The following ESRRG variants were observed in gnomAD, a reference collection of about 807,000 sequenced individuals.
ESRRG encodes the protein estrogen-related receptor gamma.
A neutral mutation model predicts 44.0 loss-of-function variants in ESRRG; 13 were observed. That is an observed-to-expected ratio of 0.30 (90% confidence interval 0.19 to 0.47). The LOEUF (loss-of-function observed/expected upper bound fraction) is 0.47, where lower values mean the gene tolerates loss of function less well. Among genes scored for constraint, ESRRG ranks in the 20% least tolerant of loss-of-function variants. ESRRG has a pLI of 1.00. For missense variants in ESRRG, 395 were observed against 580.6 expected (o/e 0.68, Z 3.29); for synonymous variants, 215 against 214.6 (o/e 1.00, Z -0.02).
chr1:216,918,506 T>C (rs1350142845), intron 2 of ESRRG, among the ~76,000 whole-genome samples: 1 of 152,176 alleles, frequency 6.6e-6, no homozygotes, highest in African/African-American at 2.4e-5. Flanking sequence ...CTTCTCTACA[T>C]AGATATATAC....
intron 2 of ESRRG, among the ~76,000 whole-genome samples, chr1:216,665,961 G>C (rs1175280630): frequency 6.6e-6 from 1 of 152,072 alleles, no homozygotes; most frequent in East Asian, 1.9e-4. Flanking sequence ...AATTGTCTAA[G>C]TTCATCTAGT....
intron 2 of ESRRG, among the ~76,000 whole-genome samples, chr1:216,810,097 A>G (rs2094921337): frequency 6.6e-6 from 1 of 152,244 alleles, no homozygotes; most frequent in East Asian, 1.9e-4. Flanking sequence ...AGGAGCTCTT[A>G]GAATCTTTTA....
chr1:216,913,771 T>C (rs2060793664), intron 2 of ESRRG, among the ~76,000 whole-genome samples: 1 of 152,228 alleles, frequency 6.6e-6, no homozygotes, highest in African/African-American at 2.4e-5. Context: ...TATAAAACTC[T>C]ATATGCTGTA....
At chr1:216,989,426 T>TA (rs2075343435) in intron 1 of ESRRG, among the ~76,000 whole-genome samples, 3 of 71,274 alleles carry the variant, frequency 4.2e-5, no homozygotes, top group African/African-American at 6.4e-5. Context: ...AGACTCTGTC[T>TA]CAAAAAAAAA....
rs12025686 is a variant in ESRRG at position 216,815,644 on chromosome 1, T to C, written c.-14+123938A>G. Among the ~76,000 whole-genome samples, 1,209 of 152,224 alleles carry C rather than the reference T, an allele frequency of 7.9e-3. 23 individuals are homozygous for C. Among genetic ancestry groups the C allele is most frequent in the East Asian group, 0.068 (351 of 5,150 alleles). ...ACATACTGCAGTTGCGACACAACAG[T>C]GCTTTATCTGCCAACTGAACCCGAG... is the stretch of plus-strand genomic sequence containing the variant. On this transcript the variant is annotated intron_variant, in intron 2 of 7. Coordinates refer to the ESRRG transcript ENST00000359162.
chr1:216,888,043 T>C (rs903331178), intron 2 of ESRRG, among the ~76,000 whole-genome samples: 3 of 152,152 alleles, frequency 2.0e-5, no homozygotes, highest in Non-Finnish European at 4.4e-5. Flanking sequence ...TAATTTTGTC[T>C]TCTAAAAAAA....
intron 1 of ESRRG, among the ~76,000 whole-genome samples, chr1:216,988,037 T>C (rs966711198): frequency 3.3e-5 from 5 of 152,144 alleles, no homozygotes; most frequent in African/African-American, 9.7e-5. Context: ...TTTCCTTATT[T>C]TTCTACTCTG....
intron 1 of ESRRG, among the ~76,000 whole-genome samples, chr1:217,137,318 A>T (rs2093062973): frequency 1.3e-5 from 2 of 152,230 alleles, no homozygotes; most frequent in Non-Finnish European, 2.9e-5. Context: ...CCTCCTCTTA[A>T]ACGCAAAAGT....
At chr1:216,641,218 A>C (rs2066354672) in intron 3 of ESRRG, among the ~76,000 whole-genome samples, 1 of 152,176 alleles carries the variant, frequency 6.6e-6, no homozygotes, top group Non-Finnish European at 1.5e-5. Flanking sequence ...AGATTTATTC[A>C]GCTGAAATAA....
At chr1:216,932,534 T>A (rs554515906) in intron 2 of ESRRG, among the ~76,000 whole-genome samples, 1 of 150,852 alleles carries the variant, frequency 6.6e-6, no homozygotes, top group Non-Finnish European at 1.5e-5. Flanking sequence ...TTGGTAGGGG[T>A]GTGTGTGTGT....
chr1:216,984,433 C>A (rs1468475095), intron 1 of ESRRG, among the ~76,000 whole-genome samples: 1 of 152,192 alleles, frequency 6.6e-6, no homozygotes, highest in Non-Finnish European at 1.5e-5. Context: ...GCAAGTATTT[C>A]TCTAACATCT....
chr1:216,670,660 C>T (rs2074990030), intron 2 of ESRRG, among the ~76,000 whole-genome samples: 1 of 152,170 alleles, frequency 6.6e-6, no homozygotes, highest in South Asian at 2.1e-4. Flanking sequence ...TGGGTCTGTT[C>T]TCTGGAAGCT....
intron 1 of ESRRG, among the ~76,000 whole-genome samples, chr1:217,041,122 T>C (rs1052256204): frequency 6.6e-6 from 1 of 152,138 alleles, no homozygotes; most frequent in African/African-American, 2.4e-5. Flanking sequence ...TAGAGAATTT[T>C]AAACTAAGCA....
At chr1:216,654,853 T>C (rs192350156) in intron 2 of ESRRG, among the ~76,000 whole-genome samples, 1 of 152,130 alleles carries the variant, frequency 6.6e-6, no homozygotes, top group Admixed American at 6.5e-5. Flanking sequence ...GAAAACAAAA[T>C]AATACAGATA....
chr1:216,982,174 G>T (rs2150398383), intron 1 of ESRRG, among the ~76,000 whole-genome samples: 1 of 152,282 alleles, frequency 6.6e-6, no homozygotes, highest in East Asian at 1.9e-4. Context: ...TAACAGCTTA[G>T]CTGCACTCAG....
intron 3 of ESRRG, among the ~76,000 whole-genome samples, chr1:216,613,927 C>T (rs1220447282): frequency 6.6e-6 from 1 of 152,126 alleles, no homozygotes; most frequent in Non-Finnish European, 1.5e-5. Flanking sequence ...GCCATTTTCC[C>T]CGCTTTGTCC....
intron 1 of ESRRG, among the ~76,000 whole-genome samples, chr1:217,029,327 C>A (rs140199587): frequency 6.6e-6 from 1 of 152,008 alleles, no homozygotes; most frequent in African/African-American, 2.4e-5. Flanking sequence ...TTTTTATACT[C>A]ACTAGCTCAG....
chr1:217,010,178 G>C (rs1416059586), intron 1 of ESRRG, among the ~76,000 whole-genome samples: 2 of 151,920 alleles, frequency 1.3e-5, no homozygotes, highest in Non-Finnish European at 2.9e-5. Context: ...AAATGAGAGG[G>C]GCAGATGTAG....
At chr1:217,104,995 T>C (rs1040624523) in intron 1 of ESRRG, among the ~76,000 whole-genome samples, 5 of 152,140 alleles carry the variant, frequency 3.3e-5, no homozygotes, top group African/African-American at 7.2e-5. Context: ...GTGAATTCAG[T>C]TGGACAGTTA....
Sources: allele counts gnomAD v4.1 joint callset (sites outside exome capture counted in the v4.1 genomes callset), GRCh38; gene constraint gnomAD v4.1.1; transcripts MANE v1.5; gene names NCBI Gene and HGNC (gene_info 2026-07-23, HGNC 2026-07-21).